Variants in RSRC1 observed in about 807,000 individuals in gnomAD.
RSRC1 encodes the protein arginine and serine rich coiled-coil 1.
In RSRC1, 39 loss-of-function variants were observed where a neutral mutation model predicts 49.1. The observed-to-expected ratio is 0.79, with a 90% CI of 0.61 to 1.04. The LOEUF is 1.04. RSRC1 is among the 50% of genes least tolerant of loss of function. The pLI is 0.00. For synonymous variants in RSRC1, 143 were observed against 130.8 expected (o/e 1.09, Z -0.63); for missense variants, 388 against 402.4 (o/e 0.96, Z 0.31).
intron 3 of RSRC1, among the ~76,000 whole-genome samples, chr3:158,133,530 G>T (rs903400939): frequency 6.6e-6 from 1 of 152,142 alleles, no homozygotes; most frequent in Admixed American, 6.5e-5. Context: ...AACCAATTTA[G>T]TTTGTTTTAC....
At chr3:158,398,246 A>G (rs979610441) in intron 6 of RSRC1, among the ~76,000 whole-genome samples, 19 of 152,254 alleles carry the variant, frequency 1.2e-4, no homozygotes, top group Non-Finnish European at 2.1e-4. Context: ...GAGACTGGGT[A>G]ATTTCTAAAG....
chr3:158,430,651 C>T (rs903608104), intron 6 of RSRC1, among the ~76,000 whole-genome samples: 1 of 151,870 alleles, frequency 6.6e-6, no homozygotes, highest in South Asian at 2.1e-4. Flanking sequence ...GAATAAGATA[C>T]CCTCTTCATT....
intron 5 of RSRC1, among the ~76,000 whole-genome samples, chr3:158,324,099 A>T (rs955128345): frequency 3.9e-5 from 6 of 152,224 alleles, no homozygotes; most frequent in Non-Finnish European, 7.3e-5. Context: ...TGATACAGCT[A>T]CATTATACTT....
Position 158,180,492 on chromosome 3 carries a change from C to T in RSRC1, c.321-22580C>T, listed in dbSNP as rs144680451. ...TGTAATTTTTTGTTTCTTTGAGGCA[C>T]GGTCTCATTCTGTCACCCAGGCTAA... On this transcript the variant is annotated intron_variant, in intron 3 of 9. Coordinates refer to ENST00000611884, the MANE Select transcript of RSRC1 (RefSeq NM_001271838.2). Among the ~76,000 whole-genome samples the T allele has an allele frequency of 9.9e-4, 122 of 123,022 alleles. No homozygotes were observed. In the East Asian group the frequency reaches 0.029, roughly 29 times the overall value. The allele number at this position is 123,022 out of a possible 152,430, so 80.7% of individuals were successfully genotyped here.
At chr3:158,510,099 T>C (rs1560069590) in intron 7 of RSRC1, among the ~76,000 whole-genome samples, 2 of 152,210 alleles carry the variant, frequency 1.3e-5, no homozygotes, top group Admixed American at 6.5e-5. Context: ...GCTTGATCTT[T>C]CCAGACATTT....
chr3:158,523,038 G>A (rs1003103955), intron 7 of RSRC1, among the ~76,000 whole-genome samples: 23 of 151,998 alleles, frequency 1.5e-4, no homozygotes, highest in African/African-American at 5.6e-4. Context: ...AAAATCAGAA[G>A]AAATAAAGAT....
At chr3:158,497,558 T>C (rs1739400223) in intron 7 of RSRC1, among the ~76,000 whole-genome samples, 1 of 151,790 alleles carries the variant, frequency 6.6e-6, no homozygotes. Flanking sequence ...TGCCTCAGCC[T>C]CCCGAGTAGC....
intron 6 of RSRC1, among the ~76,000 whole-genome samples, chr3:158,360,654 C>T (rs1228477387): frequency 6.6e-6 from 1 of 152,242 alleles, no homozygotes; most frequent in Non-Finnish European, 1.5e-5. Flanking sequence ...CCCATGCATG[C>T]AGTGTGCACA....
intron 6 of RSRC1, among the ~76,000 whole-genome samples, chr3:158,382,176 C>T (rs1470091531): frequency 6.6e-6 from 1 of 152,084 alleles, no homozygotes; most frequent in African/African-American, 2.4e-5. Context: ...ATCATTGTCT[C>T]CCATCTCCAT....
At chr3:158,498,985 G>C (rs1360436480) in intron 7 of RSRC1, among the ~76,000 whole-genome samples, 2 of 152,116 alleles carry the variant, frequency 1.3e-5, no homozygotes, top group Non-Finnish European at 2.9e-5. Flanking sequence ...TTATAGTATA[G>C]TTTGAAATCA....
chr3:158,313,251 C>T (rs568243783), intron 5 of RSRC1, among the ~76,000 whole-genome samples: 1 of 152,224 alleles, frequency 6.6e-6, no homozygotes, highest in East Asian at 1.9e-4. Context: ...TGTGTAATTA[C>T]TTGAGACCAG....
At chr3:158,348,010 AT>A (rs1166558885) in intron 5 of RSRC1, among the ~76,000 whole-genome samples, 1 of 152,212 alleles carries the variant, frequency 6.6e-6, no homozygotes, top group Non-Finnish European at 1.5e-5. Flanking sequence ...CCCCTCAAGC[AT>A]TTATCCTCTG....
chr3:158,172,064 G>A (rs1718912520), intron 3 of RSRC1, among the ~76,000 whole-genome samples: 2 of 152,154 alleles, frequency 1.3e-5, no homozygotes, highest in South Asian at 2.1e-4. Flanking sequence ...TCGGTAACAT[G>A]TGAGACAATA....
At chr3:158,241,987 A>G (rs1045845049) in intron 4 of RSRC1, among the ~76,000 whole-genome samples, 5 of 145,800 alleles carry the variant, frequency 3.4e-5, no homozygotes, top group East Asian at 2.0e-4. Flanking sequence ...GAATGTTTCT[A>G]TCATTCACAG....
intron 4 of RSRC1, among the ~76,000 whole-genome samples, chr3:158,284,033 C>A: frequency 1.3e-5 from 2 of 150,424 alleles, no homozygotes; most frequent in Admixed American, 6.7e-5. Flanking sequence ...TAATGCTATC[C>A]CTCCCCCCTT....
At chr3:158,278,501 C>T (rs999323142) in intron 4 of RSRC1, among the ~76,000 whole-genome samples, 1 of 152,154 alleles carries the variant, frequency 6.6e-6, no homozygotes, top group African/African-American at 2.4e-5. Context: ...TTAAGTCATT[C>T]CACACTCAGC....
intron 6 of RSRC1, among the ~76,000 whole-genome samples, chr3:158,371,281 G>A (rs931060368): frequency 1.5e-4 from 22 of 151,682 alleles, no homozygotes; most frequent in African/African-American, 4.6e-4. Context: ...ACCTTTTTTA[G>A]TGACAGTTCT....
chr3:158,262,343 A>G (rs1246290769), intron 4 of RSRC1, among the ~76,000 whole-genome samples: 2 of 152,104 alleles, frequency 1.3e-5, no homozygotes, highest in Non-Finnish European at 1.5e-5. Flanking sequence ...TGTTTTTTGC[A>G]TATTTAAAAT....
chr3:158,157,411 G>A (rs1204352058), intron 3 of RSRC1, among the ~76,000 whole-genome samples: 1 of 152,168 alleles, frequency 6.6e-6, no homozygotes, highest in Non-Finnish European at 1.5e-5. Context: ...TTTTTGAAGA[G>A]AAACGTAGGA....
Sources: gnomAD v4.1 joint callset for allele counts (sites outside exome capture counted in the v4.1 genomes callset) on GRCh38, gnomAD v4.1.1 for gene constraint, MANE v1.5 for transcripts, NCBI Gene and HGNC (gene_info 2026-07-23, HGNC 2026-07-21) for gene names.